The following PEX6 variants were observed in gnomAD, a reference collection of about 807,000 sequenced individuals.
The protein encoded by PEX6 is peroxisomal biogenesis factor 6, also known as peroxisome biogenesis factor 6.
PEX6 carries 55 observed loss-of-function variants against 85.6 expected under a neutral mutation model. The ratio of observed to expected loss-of-function variants is 0.64; its 90% confidence interval spans 0.52 to 0.80. The LOEUF (loss-of-function observed/expected upper bound fraction) is 0.80, where lower values mean the gene tolerates loss of function less well. Ranked by LOEUF, PEX6 falls within the 30% of genes least tolerant of loss-of-function variation. PEX6 has a pLI of 0.00. For synonymous variants in PEX6, 519 were observed against 549.1 expected (o/e 0.95, Z 0.77); for missense variants, 1,099 against 1,260.3 (o/e 0.87, Z 1.94).
chr6:42,978,992 C>T lies in PEX6; in HGVS notation c.159G>A (p.Leu53=), dbSNP rs2150240669. 1 of 1,512,516 alleles carries T rather than the reference C, an allele frequency of 6.6e-7. No individual in the cohort carries two copies. The allele number at this position is 1,512,516 out of a possible 1,614,324, so 93.7% of individuals were successfully genotyped here. A position where few individuals can be genotyped will look rare whatever the true frequency, so the allele number is the denominator to read the frequency against. The change falls in exon 1 of 17, where the codon CTG becomes CTA. Residue 53 remains leucine, a synonymous_variant. Coordinates refer to ENST00000304611, the MANE Select transcript of PEX6 (RefSeq NM_000287.4). ...CGTCCGGCCCCTCCAGGGCTGCCAC[C>T]AGCAGCGCCGGCCCTGCCGGGCTCT... ...AGESPAGPAL[L]VAALEGPDAG...
rs146266265 is a variant in PEX6 at position 42,965,606 on chromosome 6, T to A, written c.2471+75A>T. 2.8e-6 allele frequency: 3 copies of A among 1,072,868 alleles called. No individual in the cohort carries two copies. Among genetic ancestry groups the A allele is most frequent in the Admixed American group, 1.7e-5 (1 of 59,332 alleles). The allele number at this position is 1,072,868 out of a possible 1,614,324, so 66.5% of individuals were successfully genotyped here. A position where few individuals can be genotyped will look rare whatever the true frequency, so the allele number is the denominator to read the frequency against. On this transcript the variant is annotated intron_variant, in intron 13 of 16. Coordinates refer to ENST00000304611, the MANE Select transcript of PEX6 (RefSeq NM_000287.4). The surrounding 1 kb of genome is among the most constrained non-coding windows in gnomAD (Gnocchi z 5.0). ...AGCAGGAACTTCTATCTCTGGACTC[T>A]GAAGACTGCTGTGAGCTTTCTCATA...
At chr6:42,974,219 C>T in intron 2 of PEX6, 133 bp from the exon 3 acceptor site, 1 of 712,946 alleles carries the variant, frequency 1.4e-6, no homozygotes, top group Non-Finnish European at 2.5e-6. Flanking sequence ...CGCAGTTCTC[C>T]AAGGAACAAG....
At chr6:42,977,035 T>C (rs9471988) in intron 1 of PEX6, among the ~76,000 whole-genome samples, 85,871 of 151,934 alleles carry the variant, frequency 0.57, 25,678 homozygotes, top group African/African-American at 0.75. Context: ...GGCTTTGTGA[T>C]AAAGGTGTCA....
chr6:42,978,471 T>C lies in PEX6; in HGVS notation c.680A>G (p.Gln227Arg), dbSNP rs757479364. The change falls in exon 1 of 17, where the codon CAG becomes CGG. Residue 227 changes from glutamine to arginine, a missense_variant. By Grantham distance (43) the Gln-to-Arg change is conservative. This residue lies in a region of PEX6 where 579 missense variants were observed against 611.6 expected (regional missense o/e 0.95). Coordinates refer to ENST00000304611, the MANE Select transcript of PEX6 (RefSeq NM_000287.4). The stretch of plus-strand genomic sequence containing the variant: ...TGAAGTGTTCGATGACTCTCTGGCC[T>C]GGGCCACCCACACCCATTCGCCCTG... The part of the protein sequence containing the change: ...LFQGEWVWVA[Q>R]ARESSNTSQP... 1.4e-5 allele frequency: 22 copies of C among 1,614,072 alleles called. No homozygotes were observed. The highest frequency in any genetic ancestry group is 1.9e-5 in the Non-Finnish European group (22 of 1,180,040).
Position 42,978,668 on chromosome 6 carries a change from G to A in PEX6, c.483C>T (p.Arg161=), listed in dbSNP as rs772034979. Residue 161 remains arginine (R), a synonymous_variant, in exon 1 of 17, where the codon CGC becomes CGT. Coordinates refer to ENST00000304611, the MANE Select transcript of PEX6 (RefSeq NM_000287.4). ...PGTRLAVTEL[R]GRARLCPESG... ...ACTCTGGACACAGTCTGGCCCGCCC[G>A]CGGAGCTCAGTCACAGCCAGCCGAG... The A allele has an allele frequency of 5.8e-6, 9 of 1,561,934 alleles. No individual in the cohort carries two copies. The African/African-American group carries it at 1.2e-4, about 21-fold the overall frequency.
rs267608246 is a variant in PEX6, at chr6:42,965,115, G to T, written c.2626C>A (p.Arg876=). Residue 876 remains arginine, a synonymous_variant, in exon 15 of 17, where the codon CGG becomes AGG. Transcript: ENST00000304611. This position sits in a 1 kb window ranked among gnomAD's most constrained non-coding sequence, Gnocchi z 5.0. Reference sequence around the variant, plus strand: ...CTTAGAACGCGTAGCTGGGAGGCCCGGTCCTCATTTGCCCCCACAAACACC... The same window carrying T: ...CTTAGAACGCGTAGCTGGGAGGCCCTGTCCTCATTTGCCCCCACAAACACC... ...KLVFVGANED[R]ASQLRVLSAI... 6.2e-7 allele frequency: 1 copy of T among 1,614,200 alleles called. No individual in the cohort carries two copies. The highest frequency in any genetic ancestry group is 1.1e-5 in the South Asian group (1 of 91,090).
chr6:42,976,409 T>C (rs1044499589), intron 1 of PEX6, among the ~76,000 whole-genome samples: 8 of 151,850 alleles, frequency 5.3e-5, no homozygotes, highest in African/African-American at 1.9e-4. Context: ...GTCACCCAGG[T>C]TGGAGTGCAG....
At position 42,971,890 on chromosome 6, in the gene PEX6, G is replaced by C. The variant is rs935425118; in HGVS notation, c.1131-1903C>G. On this transcript the variant is annotated intron_variant, in intron 3 of 16. Transcript: ENST00000304611. The surrounding 1 kb of genome is among the most constrained non-coding windows in gnomAD (Gnocchi z 4.4). ...TCTGTAGTTTTCCTACTGAAAGCTA[G>C]CTCAAAGACGTTTGCTAAATTTATG... Among the ~76,000 whole-genome samples the C allele has an allele frequency of 6.6e-6, 1 of 152,240 alleles. No individual in the cohort carries two copies. Among genetic ancestry groups the C allele is most frequent in the East Asian group, 1.9e-4 (1 of 5,202 alleles).
In PEX6 at chr6:42,964,091, T is replaced by C; in HGVS notation, c.*244A>G. The stretch of plus-strand genomic sequence containing the variant: ...CCCAGAACCCAAGGCCCTGGCCCTC[T>C]TCCTGAGTAGATGGGCCTTTCTCTT... On this transcript the variant is annotated 3_prime_UTR_variant, in exon 17 of 17. Coordinates refer to ENST00000304611, the MANE Select transcript of PEX6 (RefSeq NM_000287.4). The surrounding 1 kb of genome is among the most constrained non-coding windows in gnomAD (Gnocchi z 4.6). The C allele has an allele frequency of 1.7e-6, 1 of 592,834 alleles. No homozygotes were observed. Among genetic ancestry groups the C allele is most frequent in the Non-Finnish European group, 3.0e-6 (1 of 333,664 alleles). The allele number at this position is 592,834 out of a possible 1,614,324, so 36.7% of individuals were successfully genotyped here.
In PEX6 at chr6:42,979,065, C is replaced by G; in HGVS notation, c.86G>C (p.Trp29Ser). Reference sequence around the variant, plus strand: ...CACCAGGCCCAGCTCCGCCGCCGGCCACGGGCCCCCGGGTGGCAGCAGCAC... The same window carrying G: ...CACCAGGCCCAGCTCCGCCGCCGGCGACGGGCCCCCGGGTGGCAGCAGCAC... Reference protein sequence around the residue: ...LAVLLPPGGPWPAAELGLVLA... With the variant: ...LAVLLPPGGPSPAAELGLVLA... Residue 29 changes from tryptophan (W) to serine (S), a missense_variant, in exon 1 of 17, where the codon TGG becomes TCG. Trp to Ser is a radical substitution (Grantham distance 177). Transcript: ENST00000304611. 1 of 1,538,884 alleles carries G rather than the reference C, an allele frequency of 6.5e-7. No homozygotes were observed. The highest frequency in any genetic ancestry group is 8.7e-7 in the Non-Finnish European group (1 of 1,149,744).
chr6:42,974,286 A>C (rs992740330), intron 2 of PEX6, among the ~76,000 whole-genome samples, 200 bp from the exon 3 acceptor site: 1 of 152,052 alleles, frequency 6.6e-6, no homozygotes, highest in African/African-American at 2.4e-5. Context: ...GGGATCAGAG[A>C]CAGATGAGTG....
At chr6:42,972,693 C>G (rs1315841665) in intron 3 of PEX6, among the ~76,000 whole-genome samples, 5 of 151,170 alleles carry the variant, frequency 3.3e-5, no homozygotes, top group African/African-American at 1.2e-4. Context: ...TGGCATGAAC[C>G]CGGGAGGCGG....
At position 42,978,569 on chromosome 6, in the gene PEX6, G is replaced by A; in HGVS notation, c.582C>T (p.Leu194=). 1 of 1,612,580 alleles carries A rather than the reference G, an allele frequency of 6.2e-7. No homozygotes were observed. The highest frequency in any genetic ancestry group is 2.2e-5 in the East Asian group (1 of 44,874). The change falls in exon 1 of 17, where the codon CTC becomes CTT. Residue 194 remains leucine (L), a synonymous_variant. Coordinates refer to ENST00000304611, the MANE Select transcript of PEX6 (RefSeq NM_000287.4). Reference sequence around the variant, plus strand: ...CTCCAGTCCCTCCCAGAACTCCCTGGAGTCGCCGCACTGTGCCAGAAACCG... The same window carrying A: ...CTCCAGTCCCTCCCAGAACTCCCTGAAGTCGCCGCACTGTGCCAGAAACCG... ...SFAVSGTVRR[L]QGVLGGTGDS... is the part of the protein sequence containing the mutation.
chr6:42,978,299 G>C lies in PEX6; in HGVS notation c.852C>G (p.Asp284Glu). ...TTCTGAGCTCTCCCATTTCCAGGGGGTCACAGCCAAGATTAAAAGCCAAAG... is the reference window on the plus strand; with the variant it reads ...TTCTGAGCTCTCCCATTTCCAGGGGCTCACAGCCAAGATTAAAAGCCAAAG... ...PATLAFNLGC[D>E]PLEMGELRIQ... Residue 284 changes from aspartate to glutamate, a missense_variant, in exon 1 of 17, where the codon GAC becomes GAG. By Grantham distance (45) the Asp-to-Glu change is conservative. Transcript: ENST00000304611. 1 of 1,614,194 alleles carries C rather than the reference G, an allele frequency of 6.2e-7. No homozygotes were observed. The highest frequency in any genetic ancestry group is 8.5e-7 in the Non-Finnish European group (1 of 1,180,038).
At chr6:42,974,451 G>GTTTTTTTTTT (rs541877938) in intron 2 of PEX6, among the ~76,000 whole-genome samples, 371 of 61,004 alleles carry the variant, frequency 6.1e-3, no homozygotes, top group Non-Finnish European at 9.4e-3. Context: ...TGTTTTTTTT[G>GTTTTTTTTTT]TTTTTTTTTT....
Position 42,967,461 on chromosome 6 carries a change from T to C in PEX6, c.1791A>G (p.Ser597=), listed in dbSNP as rs1443602778. 6.2e-7 allele frequency: 1 copy of C among 1,612,416 alleles called. No homozygotes were observed. Among genetic ancestry groups the C allele is most frequent in the Non-Finnish European group, 8.5e-7 (1 of 1,179,490 alleles). The change falls in exon 8 of 17, where the codon TCA becomes TCG. Residue 597 remains serine (S), a synonymous_variant. Transcript: ENST00000304611. ...FPHELEVPAL[S]EGQRLSILRA... is the part of the protein sequence containing the mutation. ...GCAGGATGCTGAGCCGCTGCCCCTC[T>C]GACAGAGCAGGCACCTCGAGCTCAT...
chr6:42,964,845 G>C lies in PEX6; in HGVS notation c.2751C>G (p.Leu917=), dbSNP rs1473186112. 1 of 1,614,158 alleles carries C rather than the reference G, an allele frequency of 6.2e-7. No individual in the cohort carries two copies. Among genetic ancestry groups the C allele is most frequent in the Admixed American group, 1.7e-5 (1 of 60,020 alleles). The change falls in exon 16 of 17, where the codon CTC becomes CTG. Residue 917 remains leucine, a synonymous_variant. Coordinates refer to ENST00000304611, the MANE Select transcript of PEX6 (RefSeq NM_000287.4). The surrounding 1 kb of genome is among the most constrained non-coding windows in gnomAD (Gnocchi z 4.6). ...GGGCAGCTGTCATAGCATCAGAGCA[G>C]AGAGAGTAGAGGTCCGCGCCCGTCA... ...PQLTGADLYS[L]CSDAMTAALK... is the part of the protein sequence containing the mutation.
At position 42,965,004 on chromosome 6, in the gene PEX6, T is replaced by TTCAGGGACCGTCCCCCAGCTAGA; in HGVS notation, c.2666+70_2666+71insTCTAGCTGGGGGACGGTCCCTGA. On this transcript the variant is annotated intron_variant, in intron 15 of 16. Transcript: ENST00000304611. This position sits in a 1 kb window ranked among gnomAD's most constrained non-coding sequence, Gnocchi z 5.0. ...AAAGCCAGTGCTGACCAGCTCATCC[T>TTCAGGGACCGTCCCCCAGCTAGA]GCATGTTGCATGCATCCCCTAAGCA... The TTCAGGGACCGTCCCCCAGCTAGA allele has an allele frequency of 6.2e-7, 1 of 1,611,784 alleles. No homozygotes were observed. Among genetic ancestry groups the TTCAGGGACCGTCCCCCAGCTAGA allele is most frequent in the Non-Finnish European group, 8.5e-7 (1 of 1,177,818 alleles).
At chr6:42,966,679 A>G (rs1014075395) in intron 9 of PEX6, 22 bp from the exon 10 acceptor site, 1 of 1,614,014 alleles carries the variant, frequency 6.2e-7, no homozygotes, top group African/African-American at 1.3e-5. Context: ...AACACAGGGA[A>G]GCCTCCTCAC....
Sources: allele counts gnomAD v4.1 joint callset (sites outside exome capture counted in the v4.1 genomes callset), GRCh38; gene constraint gnomAD v4.1.1; regional missense constraint gnomAD v4.1.1; non-coding constraint Gnocchi (gnomAD v3.1); transcripts MANE v1.5; gene names NCBI Gene and HGNC (gene_info 2026-07-23, HGNC 2026-07-21).